CENPP: variants seen among roughly 807,000 people sequenced by gnomAD.
The protein encoded by CENPP is centromere protein P.
Under a neutral mutation model 35.6 loss-of-function variants are expected in CENPP, and 24 were observed. The observed-to-expected ratio is 0.67, with a 90% CI of 0.49 to 0.95. The LOEUF (loss-of-function observed/expected upper bound fraction) is 0.95. CENPP is among the 40% of genes least tolerant of loss of function. The pLI is 0.00. For missense variants in CENPP, 332 were observed against 345.3 expected (o/e 0.96, Z 0.31); for synonymous variants, 120 against 125.5 (o/e 0.96, Z 0.29).
chr9:92,514,535 A>G, intron 5 of CENPP: 1 of 1,457,224 alleles, frequency 6.9e-7, no homozygotes, highest in Non-Finnish European at 9.1e-7. Flanking sequence ...TCAGCCTTTC[A>G]AAGTGCTGAG....
chr9:92,516,266 TG>T (rs1351877789), intron 5 of CENPP, among the ~76,000 whole-genome samples: 1 of 152,098 alleles, frequency 6.6e-6, no homozygotes, highest in Non-Finnish European at 1.5e-5. Flanking sequence ...GGTTTCACCA[TG>T]TTGACCAGGC....
chr9:92,334,142 A>G (rs1256884441), intron 2 of CENPP, among the ~76,000 whole-genome samples: 2 of 135,818 alleles, frequency 1.5e-5, no homozygotes, highest in African/African-American at 5.9e-5. Flanking sequence ...TTTTTTTGAG[A>G]CAGAGTCTTC....
chr9:92,386,583 A>G (rs974597770), intron 5 of CENPP, among the ~76,000 whole-genome samples: 2 of 152,082 alleles, frequency 1.3e-5, no homozygotes, highest in African/African-American at 2.4e-5. Context: ...TCTAATGCCA[A>G]CTTCTGGTAC....
intron 5 of CENPP, among the ~76,000 whole-genome samples, chr9:92,523,169 C>T (rs2131247844): frequency 6.6e-6 from 1 of 152,092 alleles, no homozygotes; most frequent in South Asian, 2.1e-4. Context: ...CAGCCTTGAA[C>T]TCCTGGGCTC....
chr9:92,530,287 G>T (rs1227186268), intron 5 of CENPP, among the ~76,000 whole-genome samples: 1 of 152,066 alleles, frequency 6.6e-6, no homozygotes, highest in African/African-American at 2.4e-5. Flanking sequence ...TATGGACATT[G>T]GGTGATAATG....
Position 92,428,082 on chromosome 9 carries a change from G to A in CENPP, c.564+48223G>A, listed in dbSNP as rs144395177. Among the ~76,000 whole-genome samples the A allele has an allele frequency of 3.3e-4, 51 of 152,248 alleles. No individual in the cohort carries two copies. The East Asian group carries it at 7.7e-3, about 23-fold the overall frequency. ...CTACTTCTATCAGAAAGGCCACTTG[G>A]GCAGCCCTATAGAAACAGTCCAAAC... On this transcript the variant is annotated intron_variant, in intron 5 of 7. Coordinates refer to ENST00000375587, the MANE Select transcript of CENPP (RefSeq NM_001012267.3).
At chr9:92,474,939 T>C (rs753762024) in intron 5 of CENPP, 2 of 1,546,062 alleles carry the variant, frequency 1.3e-6, no homozygotes, top group Admixed American at 2.3e-5. Flanking sequence ...TAAACAGACA[T>C]GGGATATTAA....
chr9:92,510,717 A>C (rs115313639), intron 5 of CENPP, among the ~76,000 whole-genome samples: 1,972 of 152,332 alleles, frequency 0.013, 38 homozygotes, highest in African/African-American at 0.044. Context: ...TCCAGTGATC[A>C]TATTCAAATT....
rs111569900 is a variant in CENPP, at chr9:92,376,685, G to A, written c.468-3078G>A. On this transcript the variant is annotated intron_variant, in intron 4 of 7. Coordinates refer to ENST00000375587, the MANE Select transcript of CENPP (RefSeq NM_001012267.3). The stretch of plus-strand genomic sequence containing the variant: ...CCCTAATCTTTTATTATGCAGATGG[G>A]TTCTCTACTGGGCCAGCGCCATGTT... Among the ~76,000 whole-genome samples the A allele has an allele frequency of 6.6e-5, 10 of 152,244 alleles. 1 individual carries two copies. The highest frequency in any genetic ancestry group is 2.6e-4 in the Admixed American group (4 of 15,292).
At chr9:92,547,632 A>G (rs1197412771) in intron 5 of CENPP, among the ~76,000 whole-genome samples, 1 of 152,226 alleles carries the variant, frequency 6.6e-6, no homozygotes, top group Non-Finnish European at 1.5e-5. Context: ...GAGAAAGTAC[A>G]TTAGTGGTTG....
chr9:92,513,128 C>T (rs1403504254), intron 5 of CENPP, among the ~76,000 whole-genome samples: 5 of 152,170 alleles, frequency 3.3e-5, no homozygotes, highest in Non-Finnish European at 7.4e-5. Flanking sequence ...ATTACCCAGA[C>T]GAATGCTCCT....
At chr9:92,469,125 G>A (rs750937262) in intron 5 of CENPP, among the ~76,000 whole-genome samples, 5 of 152,118 alleles carry the variant, frequency 3.3e-5, no homozygotes, top group Admixed American at 1.3e-4. Flanking sequence ...AAGATTCTGT[G>A]GCCTAAAGTT....
At chr9:92,383,487 A>G (rs186729410) in intron 5 of CENPP, among the ~76,000 whole-genome samples, 1 of 152,340 alleles carries the variant, frequency 6.6e-6, no homozygotes, top group African/African-American at 2.4e-5. Flanking sequence ...GTTAGTAAAA[A>G]GTAAATCATT....
chr9:92,374,610 A>C (rs558679435), intron 4 of CENPP, among the ~76,000 whole-genome samples: 2 of 152,228 alleles, frequency 1.3e-5, no homozygotes, highest in South Asian at 4.1e-4. Context: ...TCTTATATCT[A>C]TGTTTCTCCC....
intron 4 of CENPP, among the ~76,000 whole-genome samples, chr9:92,377,192 A>G (rs1361554277): frequency 6.6e-6 from 1 of 152,190 alleles, no homozygotes; most frequent in African/African-American, 2.4e-5. Context: ...TTTGTTAGAA[A>G]AGAAATGATT....
At chr9:92,380,595 G>C (rs548464757) in intron 5 of CENPP, among the ~76,000 whole-genome samples, 7 of 152,014 alleles carry the variant, frequency 4.6e-5, no homozygotes, top group African/African-American at 1.7e-4. Context: ...TATTCTATTT[G>C]GTTGAGCTAA....
intron 5 of CENPP, chr9:92,474,892 C>T: frequency 1.2e-6 from 2 of 1,611,078 alleles, no homozygotes; most frequent in Admixed American, 1.7e-5. Flanking sequence ...GCACATACTC[C>T]TTCATGGTGT....
rs781488340 is a variant in CENPP at position 92,611,332 on chromosome 9, G to A, written c.583G>A (p.Val195Met). ...CATGCAGGAAAAGTACCCAGATGCC[G>A]TGTACCTCTCGGAGGGGCCCTCCTC... is the stretch of plus-strand genomic sequence containing the variant. ...KHLKEKYPDA[V>M]YLSEGPSSCS... Residue 195 changes from valine (V) to methionine (M), a missense_variant, in exon 6 of 8, where the codon GTG becomes ATG. By Grantham distance (21) the Val-to-Met change is conservative. Coordinates refer to ENST00000375587, the MANE Select transcript of CENPP (RefSeq NM_001012267.3). 59 of 1,613,688 alleles carry A rather than the reference G, an allele frequency of 3.7e-5. No individual in the cohort carries two copies. Among genetic ancestry groups the A allele is most frequent in the East Asian group, 2.2e-4 (10 of 44,844 alleles).
At chr9:92,352,505 G>GTGTACATATATATATATATATATATA in intron 4 of CENPP, among the ~76,000 whole-genome samples, 1 of 49,794 alleles carries the variant, frequency 2.0e-5, no homozygotes, top group Non-Finnish European at 3.3e-5. Flanking sequence ...GTGTGTGTGT[G>GTGTACATATATATATATATATATATA]TATACATATA....
Sources: gnomAD v4.1 joint callset for allele counts (sites outside exome capture counted in the v4.1 genomes callset) on GRCh38, gnomAD v4.1.1 for gene constraint, MANE v1.5 for transcripts, NCBI Gene and HGNC (gene_info 2026-07-23, HGNC 2026-07-21) for gene names.